FRMD6: variants seen among roughly 807,000 people sequenced by gnomAD.
FRMD6 encodes the protein FERM domain-containing protein 6.
A neutral mutation model predicts 73.2 loss-of-function variants in FRMD6; 37 were observed. The ratio of observed to expected loss-of-function variants is 0.51; its 90% CI spans 0.39 to 0.66. FRMD6 has a LOEUF of 0.66. FRMD6 is among the 30% of genes least tolerant of loss of function. The pLI is 0.00. For missense variants in FRMD6, 714 were observed against 780.5 expected (o/e 0.91, Z 1.02); for synonymous variants, 273 against 282.2 (o/e 0.97, Z 0.33).
chr14:51,442,837 T>A, the FRMD6 span, among the ~76,000 whole-genome samples: 2,005 of 152,342 alleles, frequency 0.013, 24 homozygotes, highest in Middle Eastern at 0.045. Flanking sequence ...ACAAAACATG[T>A]TGAAGCTTTA....
At chr14:51,409,174 GC>G in the FRMD6 span, among the ~76,000 whole-genome samples, 1 of 151,964 alleles carries the variant, frequency 6.6e-6, no homozygotes, top group Admixed American at 6.6e-5. Context: ...TCTCCTATTA[GC>G]CTTCTGACCC....
chr14:51,515,635 A>T (rs941658711), intron 1 of FRMD6, among the ~76,000 whole-genome samples: 1 of 152,186 alleles, frequency 6.6e-6, no homozygotes, highest in Non-Finnish European at 1.5e-5. Flanking sequence ...TGGTCTTTAT[A>T]GTGACCAGCA....
At chr14:51,526,536 G>A (rs1413343104) in intron 1 of FRMD6, among the ~76,000 whole-genome samples, 3 of 152,108 alleles carry the variant, frequency 2.0e-5, no homozygotes, top group Non-Finnish European at 2.9e-5. Context: ...CACAGTGATA[G>A]GTCCCTGTCC....
the FRMD6 span, among the ~76,000 whole-genome samples, chr14:51,467,958 G>A: frequency 6.6e-6 from 1 of 152,076 alleles, no homozygotes; most frequent in Non-Finnish European, 1.5e-5. Context: ...GGTGGAGGTT[G>A]TAGCGAGCCG....
intron 1 of FRMD6, among the ~76,000 whole-genome samples, chr14:51,551,100 C>T (rs1886800520): frequency 6.6e-6 from 1 of 152,084 alleles, no homozygotes; most frequent in African/African-American, 2.4e-5. Flanking sequence ...CATCCCTGAC[C>T]ACCCACTAGA....
intron 1 of FRMD6, among the ~76,000 whole-genome samples, chr14:51,669,860 G>GCTTTTTTTTTGCTTT (rs1555333764): frequency 6.6e-6 from 1 of 151,006 alleles, no homozygotes; most frequent in Non-Finnish European, 1.5e-5. Context: ...CAAAATTTTT[G>GCTTTTTTTTTGCTTT]TGGTTCATGT....
the FRMD6 span, among the ~76,000 whole-genome samples, chr14:51,428,333 A>G: frequency 6.6e-6 from 1 of 152,040 alleles, no homozygotes; most frequent in Non-Finnish European, 1.5e-5. Context: ...GTGCCCAACT[A>G]TTTCAGAATT....
intron 2 of FRMD6, among the ~76,000 whole-genome samples, chr14:51,583,827 G>A (rs1488627456): frequency 1.3e-5 from 2 of 152,176 alleles, no homozygotes; most frequent in African/African-American, 2.4e-5. Context: ...CTTAATGATG[G>A]CCTAAGGTTT....
intron 1 of FRMD6, among the ~76,000 whole-genome samples, chr14:51,527,353 A>G (rs994028672): frequency 2.6e-5 from 4 of 152,258 alleles, no homozygotes; most frequent in African/African-American, 4.8e-5. Context: ...GGTCCTTTAC[A>G]TGAATGAATA....
chr14:51,448,469 C>T, the FRMD6 span, among the ~76,000 whole-genome samples: 258 of 152,232 alleles, frequency 1.7e-3, 1 homozygote, highest in Non-Finnish European at 2.6e-3. Flanking sequence ...AGTACACAGC[C>T]GGTGATAAAT....
chr14:51,603,522 T>TAAC (rs1890122059), intron 2 of FRMD6, among the ~76,000 whole-genome samples: 2 of 152,090 alleles, frequency 1.3e-5, no homozygotes, highest in Admixed American at 6.5e-5. Context: ...GAAAAATACA[T>TAAC]AACGAAAAAC....
intron 2 of FRMD6, among the ~76,000 whole-genome samples, chr14:51,617,175 G>A (rs1185901750): frequency 6.6e-6 from 1 of 152,190 alleles, no homozygotes; most frequent in Non-Finnish European, 1.5e-5. Flanking sequence ...GTGAGTCATT[G>A]TTCTGGCAGA....
At chr14:51,457,762 T>C in the FRMD6 span, among the ~76,000 whole-genome samples, 2 of 152,232 alleles carry the variant, frequency 1.3e-5, no homozygotes, top group Non-Finnish European at 2.9e-5. Context: ...GCAAAATGAT[T>C]GGCTTATAAA....
the FRMD6 span, among the ~76,000 whole-genome samples, chr14:51,410,229 C>T: frequency 2.0e-5 from 3 of 152,164 alleles, no homozygotes; most frequent in Admixed American, 6.5e-5. Flanking sequence ...TTGCTGATTC[C>T]GTGTCCCTGA....
chr14:51,484,121 T>A (rs1882718760), upstream of FRMD6, among the ~76,000 whole-genome samples: 1 of 152,198 alleles, frequency 6.6e-6, no homozygotes, highest in South Asian at 2.1e-4. Flanking sequence ...ATTAAAAAAA[T>A]CTATTTTAAG....
the FRMD6 span, among the ~76,000 whole-genome samples, chr14:51,476,372 C>T: frequency 6.6e-6 from 1 of 152,214 alleles, no homozygotes; most frequent in African/African-American, 2.4e-5. Context: ...TCAGAAATTG[C>T]AGCAGTTGGA....
intron 1 of FRMD6, among the ~76,000 whole-genome samples, chr14:51,656,521 C>G (rs1892839738): frequency 6.6e-6 from 1 of 151,696 alleles, no homozygotes; most frequent in African/African-American, 2.4e-5. Context: ...CCAAATGATT[C>G]TCCTGCCTCA....
intron 2 of FRMD6, among the ~76,000 whole-genome samples, chr14:51,620,936 A>G (rs1272716442): frequency 6.6e-6 from 1 of 152,206 alleles, no homozygotes; most frequent in Non-Finnish European, 1.5e-5. Flanking sequence ...ACAGTTCTCA[A>G]GTAGGAAGTA....
intron 1 of FRMD6, among the ~76,000 whole-genome samples, chr14:51,525,070 A>AATAGATTGATGATAG (rs1885159560): frequency 9.8e-6 from 1 of 101,982 alleles, no homozygotes; most frequent in African/African-American, 4.0e-5. Flanking sequence ...AGACAAATAG[A>AATAGATTGATGATAG]ATAGATAGAT....
Sources: gnomAD v4.1 joint callset for allele counts (sites outside exome capture counted in the v4.1 genomes callset) on GRCh38, gnomAD v4.1.1 for gene constraint, MANE v1.5 for transcripts, NCBI Gene and HGNC (gene_info 2026-07-23, HGNC 2026-07-21) for gene names.